NFXL1: variants seen among roughly 807,000 people sequenced by gnomAD.
NFXL1 encodes NF-X1-type zinc finger protein NFXL1.
NFXL1 carries 66 observed loss-of-function variants against 123.3 expected under a neutral mutation model. That is an observed-to-expected ratio of 0.54 (90% CI 0.44 to 0.66). The LOEUF is 0.66. Among genes scored for constraint, NFXL1 ranks in the 30% least tolerant of loss-of-function variants. The pLI, the probability that NFXL1 is intolerant of heterozygous loss-of-function variation, is 0.00. For missense variants in NFXL1, 944 were observed against 1,125.6 expected (o/e 0.84, Z 2.31); for synonymous variants, 346 against 360.8 (o/e 0.96, Z 0.46).
intron 14 of NFXL1, 95 bp from the exon 15 acceptor site, chr4:47,884,532 C>A: frequency 1.5e-6 from 1 of 686,404 alleles, no homozygotes; most frequent in South Asian, 2.0e-5. Flanking sequence ...ATCCTCTGCT[C>A]AAGCAGGTTG....
At chr4:47,881,033 T>C (rs866829657) in intron 15 of NFXL1, among the ~76,000 whole-genome samples, 13 of 152,040 alleles carry the variant, frequency 8.6e-5, no homozygotes, top group African/African-American at 2.7e-4. Flanking sequence ...TGGGGTTTTA[T>C]AGTTATCTTA....
chr4:47,911,234 G>A (rs73145964), intron 2 of NFXL1, among the ~76,000 whole-genome samples: 39 of 151,990 alleles, frequency 2.6e-4, no homozygotes, highest in African/African-American at 9.2e-4. Flanking sequence ...TTATGATAAC[G>A]GTGATTAACA....
At chr4:47,864,048 CT>C (rs1245618826) in intron 18 of NFXL1, among the ~76,000 whole-genome samples, 2 of 152,072 alleles carry the variant, frequency 1.3e-5, no homozygotes, top group African/African-American at 4.8e-5. Context: ...TATAAATATA[CT>C]CTAAGATATT....
chr4:47,880,001 C>G (rs1250533295), intron 15 of NFXL1, among the ~76,000 whole-genome samples: 1 of 151,994 alleles, frequency 6.6e-6, no homozygotes, highest in African/African-American at 2.4e-5. Flanking sequence ...TTAATTATGA[C>G]TTTTAGATAC....
chr4:47,853,647 G>GA (rs144278398), intron 20 of NFXL1, among the ~76,000 whole-genome samples: 3 of 151,924 alleles, frequency 2.0e-5, no homozygotes, highest in Non-Finnish European at 4.4e-5. Context: ...TTTTACACAG[G>GA]AAAAAAATAT....
chr4:47,884,670 T>C (rs1736318111), intron 14 of NFXL1, among the ~76,000 whole-genome samples: 1 of 152,174 alleles, frequency 6.6e-6, no homozygotes, highest in African/African-American at 2.4e-5. Context: ...TTATAAATGG[T>C]AGAACAAAGG....
rs564605345 is a variant in NFXL1 at position 47,883,525 on chromosome 4, C to T, written c.1916+821G>A. Among the ~76,000 whole-genome samples, 363 of 152,286 alleles carry T rather than the reference C, an allele frequency of 2.4e-3. 1 individual carries two copies. Among genetic ancestry groups the T allele is most frequent in the Non-Finnish European group, 4.1e-3 (276 of 68,020 alleles). On this transcript the variant is annotated intron_variant, in intron 15 of 22. Coordinates refer to ENST00000507489, the MANE Select transcript of NFXL1 (RefSeq NM_001278624.2). ...AAACCTCTCTGCTAACTACACAGCC[C>T]ACCTCCATTAAATCTACAGACTAAA...
intron 5 of NFXL1, among the ~76,000 whole-genome samples, chr4:47,900,865 G>A (rs1401533053): frequency 6.6e-6 from 1 of 152,050 alleles, no homozygotes; most frequent in Admixed American, 6.5e-5. Context: ...TTCTTGTAAT[G>A]AAAAATCAAA....
At chr4:47,877,180 C>T in intron 17 of NFXL1, 1 of 462,698 alleles carries the variant, frequency 2.2e-6, no homozygotes, top group Non-Finnish European at 4.3e-6. Context: ...CACAGAGCTT[C>T]AGTTTCCCTA....
chr4:47,877,886 C>A, intron 17 of NFXL1, among the ~76,000 whole-genome samples: 1 of 152,144 alleles, frequency 6.6e-6, no homozygotes, highest in Middle Eastern at 3.4e-3. Context: ...CAACTCCCTA[C>A]AGAACGGAAG....
chr4:47,866,148 A>G (rs1244262947), intron 18 of NFXL1, among the ~76,000 whole-genome samples: 1 of 152,210 alleles, frequency 6.6e-6, no homozygotes, highest in Admixed American at 6.5e-5. Flanking sequence ...AAAATAAAAT[A>G]AAATAAAATA....
At chr4:47,889,698 C>T (rs1736652958) in intron 12 of NFXL1, among the ~76,000 whole-genome samples, 1 of 152,174 alleles carries the variant, frequency 6.6e-6, no homozygotes, top group Admixed American at 6.5e-5. Context: ...CAGTAGATTC[C>T]ATTTCATATC....
chr4:47,869,356 T>A (rs983133694), intron 18 of NFXL1, among the ~76,000 whole-genome samples: 1 of 152,204 alleles, frequency 6.6e-6, no homozygotes, highest in Non-Finnish European at 1.5e-5. Flanking sequence ...ATCCTGATTT[T>A]ACGATATTAC....
At chr4:47,877,526 C>G (rs73814604) in intron 17 of NFXL1, among the ~76,000 whole-genome samples, 1 of 152,016 alleles carries the variant, frequency 6.6e-6, no homozygotes. Context: ...GGAAGCCATA[C>G]AGCAGCTACA....
intron 10 of NFXL1, among the ~76,000 whole-genome samples, 173 bp from the exon 11 acceptor site, chr4:47,894,475 C>T (rs1736960707): frequency 6.6e-6 from 1 of 151,558 alleles, no homozygotes; most frequent in South Asian, 2.1e-4. Context: ...TTATATCTTA[C>T]TTTGTTCCAA....
intron 18 of NFXL1, among the ~76,000 whole-genome samples, chr4:47,870,846 T>C (rs1735387444): frequency 6.6e-6 from 1 of 151,006 alleles, no homozygotes; most frequent in Non-Finnish European, 1.5e-5. Context: ...AAAAAGAAAA[T>C]ACTAAAACAA....
chr4:47,889,306 T>G (rs188622651), intron 12 of NFXL1, among the ~76,000 whole-genome samples: 11 of 152,310 alleles, frequency 7.2e-5, no homozygotes, highest in Admixed American at 7.2e-4. Flanking sequence ...AAAATCTTTC[T>G]AGTGTTGGTG....
chr4:47,907,210 A>T (rs1737601311), intron 3 of NFXL1, among the ~76,000 whole-genome samples: 1 of 152,178 alleles, frequency 6.6e-6, no homozygotes, highest in African/African-American at 2.4e-5. Flanking sequence ...TTAAAAGCTG[A>T]TGTTCATGTC....
chr4:47,896,411 C>A (rs1238620207), intron 10 of NFXL1, 112 bp downstream of exon 10: 2 of 774,006 alleles, frequency 2.6e-6, no homozygotes, highest in South Asian at 1.9e-5. Flanking sequence ...TCATATACAT[C>A]ATGACACAGA....
Sources: gnomAD v4.1 joint callset for allele counts (sites outside exome capture counted in the v4.1 genomes callset) on GRCh38, gnomAD v4.1.1 for gene constraint, MANE v1.5 for transcripts, NCBI Gene and HGNC (gene_info 2026-07-23, HGNC 2026-07-21) for gene names.